The following SEMA3A variants were observed in gnomAD, a reference collection of about 807,000 sequenced individuals.
SEMA3A encodes the protein semaphorin 3A, also known as semaphorin-3A.
A neutral mutation model predicts 97.9 loss-of-function variants in SEMA3A; 29 were observed. The observed-to-expected ratio is 0.30, with a 90% CI of 0.22 to 0.40. The LOEUF (loss-of-function observed/expected upper bound fraction) is 0.40, where lower values mean the gene tolerates loss of function less well. Ranked by LOEUF, SEMA3A falls within the 10% of genes least tolerant of loss-of-function variation. SEMA3A has a pLI of 1.00. For missense variants in SEMA3A, 763 were observed against 951.3 expected (o/e 0.80, Z 2.60); for synonymous variants, 321 against 323.7 (o/e 0.99, Z 0.09).
At chr7:84,188,360 C>T (rs1380981773) in intron 1 of SEMA3A, among the ~76,000 whole-genome samples, 3 of 151,886 alleles carry the variant, frequency 2.0e-5, no homozygotes, top group African/African-American at 7.2e-5. Flanking sequence ...CCTATTTATA[C>T]TGATGTTTAT....
chr7:84,166,570 A>C (rs1584069345), intron 1 of SEMA3A, among the ~76,000 whole-genome samples: 1 of 22,320 alleles, frequency 4.5e-5, no homozygotes, highest in South Asian at 8.7e-4. Flanking sequence ...AAACTCCGTC[A>C]AAAAAAAAAA....
intron 1 of SEMA3A, among the ~76,000 whole-genome samples, chr7:84,143,010 A>G (rs1390125733): frequency 6.6e-6 from 1 of 152,132 alleles, no homozygotes; most frequent in Admixed American, 6.6e-5. Flanking sequence ...CCATCGCTAC[A>G]GTTTTGCTTA....
chr7:83,967,528 A>G (rs895305495), intron 15 of SEMA3A, among the ~76,000 whole-genome samples: 2 of 152,214 alleles, frequency 1.3e-5, no homozygotes, highest in East Asian at 3.9e-4. Context: ...GCTGAGGTGG[A>G]CGGATCACTT....
At chr7:84,443,611 A>C (rs747761640) in intron 1 of SEMA3A, among the ~76,000 whole-genome samples, 9 of 152,180 alleles carry the variant, frequency 5.9e-5, no homozygotes, top group Non-Finnish European at 1.2e-4. Context: ...TTCTTTGTTA[A>C]GAGGAATTAG....
intron 1 of SEMA3A, among the ~76,000 whole-genome samples, chr7:84,430,452 T>C (rs1485756918): frequency 2.6e-5 from 4 of 151,960 alleles, no homozygotes; most frequent in Non-Finnish European, 5.9e-5. Context: ...AACATGGTTG[T>C]TAAAGAATAA....
At chr7:84,347,721 T>A (rs1802336552) in intron 2 of SEMA3A, among the ~76,000 whole-genome samples, 1 of 152,158 alleles carries the variant, frequency 6.6e-6, no homozygotes, top group African/African-American at 2.4e-5. Context: ...TTCAAAGCTT[T>A]TTTTTAGTAA....
In SEMA3A at chr7:84,428,713, C is replaced by T. The variant is rs10046518; in HGVS notation, c.-245-56813G>A. ...GCAATTTTCTTTAAGTACTTTCCAC[C>T]AAAACTGTATAATTTATCAGTAAAA... On this transcript the variant is annotated intron_variant, in intron 1 of 3. Transcript: ENST00000424555. 8.2e-4 allele frequency among the ~76,000 whole-genome samples: 125 copies of T among 151,880 alleles called. 1 individual carries two copies. Among genetic ancestry groups the T allele is most frequent in the African/African-American group, 2.8e-3 (118 of 41,442 alleles).
At chr7:84,073,642 T>C (rs1480387155) in intron 4 of SEMA3A, among the ~76,000 whole-genome samples, 1 of 151,922 alleles carries the variant, frequency 6.6e-6, no homozygotes, top group Non-Finnish European at 1.5e-5. Context: ...ACAGGGATGA[T>C]TTAGAGACAC....
chr7:83,994,971 C>G (rs1197048664), intron 12 of SEMA3A, among the ~76,000 whole-genome samples: 1 of 152,028 alleles, frequency 6.6e-6, no homozygotes, highest in Admixed American at 6.5e-5. Context: ...CAGCGAGACT[C>G]CATGGGCACA....
chr7:84,242,331 A>G (rs1031732697), intron 3 of SEMA3A, among the ~76,000 whole-genome samples: 3 of 152,136 alleles, frequency 2.0e-5, no homozygotes, highest in Non-Finnish European at 2.9e-5. Context: ...ATTCTCCTTG[A>G]AAAGGTCCTT....
chr7:83,963,969 A>G (rs2116257300), intron 15 of SEMA3A, among the ~76,000 whole-genome samples: 1 of 152,330 alleles, frequency 6.6e-6, no homozygotes, highest in South Asian at 2.1e-4. Flanking sequence ...TTTGAAAAAC[A>G]GATGCATAGT....
chr7:84,396,583 C>A (rs1223553027), intron 1 of SEMA3A, among the ~76,000 whole-genome samples: 1 of 151,794 alleles, frequency 6.6e-6, no homozygotes, highest in Non-Finnish European at 1.5e-5. Context: ...GAACTACTAT[C>A]TTTCAATAAC....
At chr7:84,264,014 A>G (rs1291331543) in intron 3 of SEMA3A, among the ~76,000 whole-genome samples, 1 of 152,218 alleles carries the variant, frequency 6.6e-6, no homozygotes, top group East Asian at 1.9e-4. Flanking sequence ...TTGTAAATAA[A>G]TTATGAAACA....
intron 1 of SEMA3A, among the ~76,000 whole-genome samples, chr7:84,487,690 G>GT (rs1466387491): frequency 6.6e-6 from 1 of 152,110 alleles, no homozygotes; most frequent in Non-Finnish European, 1.5e-5. Flanking sequence ...GAAGTCCACT[G>GT]TTTTTAAGTA....
At chr7:83,978,483 C>T (rs950760143) in intron 14 of SEMA3A, among the ~76,000 whole-genome samples, 1 of 152,104 alleles carries the variant, frequency 6.6e-6, no homozygotes, top group Admixed American at 6.5e-5. Context: ...GTGTAACAGA[C>T]TGGAAAAGAT....
chr7:84,448,009 C>T (rs1168842151), intron 1 of SEMA3A, among the ~76,000 whole-genome samples: 1 of 152,226 alleles, frequency 6.6e-6, no homozygotes, highest in Non-Finnish European at 1.5e-5. Flanking sequence ...GCCCACCCTG[C>T]TGCAGCAGCT....
At chr7:84,099,306 G>A (rs955434437) in intron 4 of SEMA3A, among the ~76,000 whole-genome samples, 2 of 55,446 alleles carry the variant, frequency 3.6e-5, no homozygotes, top group African/African-American at 7.1e-5. Flanking sequence ...TCCTGACCTC[G>A]TGATCCGCCC....
chr7:84,405,832 G>C (rs1252167985), intron 1 of SEMA3A, among the ~76,000 whole-genome samples: 1 of 152,118 alleles, frequency 6.6e-6, no homozygotes, highest in Non-Finnish European at 1.5e-5. Context: ...CAGAAATAAA[G>C]ATGTTCTTTG....
At chr7:84,025,997 T>C (rs963799451) in intron 6 of SEMA3A, among the ~76,000 whole-genome samples, 47 of 152,236 alleles carry the variant, frequency 3.1e-4, no homozygotes, top group Non-Finnish European at 2.9e-5. Context: ...ATATACTTTT[T>C]AATCATTAAT....
Sources: gnomAD v4.1 joint callset for allele counts (sites outside exome capture counted in the v4.1 genomes callset) on GRCh38, gnomAD v4.1.1 for gene constraint, MANE v1.5 for transcripts, NCBI Gene and HGNC (gene_info 2026-07-23, HGNC 2026-07-21) for gene names.